LAMA3: variants seen among roughly 807,000 people sequenced by gnomAD.
LAMA3 encodes the protein laminin subunit alpha 3, also known as laminin subunit alpha-3.
Under a neutral mutation model 402.0 loss-of-function variants are expected in LAMA3, and 281 were observed. The observed-to-expected ratio is 0.70, with a 90% confidence interval of 0.63 to 0.77. The LOEUF is 0.77. LAMA3 is among the 30% of genes least tolerant of loss of function. The pLI, the probability that LAMA3 is intolerant of heterozygous loss-of-function variation, is 0.00. For synonymous variants in LAMA3, 1,431 were observed against 1,558.4 expected (o/e 0.92, Z 1.93); for missense variants, 3,840 against 4,215.5 (o/e 0.91, Z 2.47).
At chr18:23,752,341 G>A (rs753688713) in intron 5 of LAMA3, among the ~76,000 whole-genome samples, 1 of 151,888 alleles carries the variant, frequency 6.6e-6, no homozygotes, top group Admixed American at 6.6e-5. Flanking sequence ...TCTTTTTGGG[G>A]GTTGCAAGAT....
chr18:23,740,596 C>T (rs2061545784), intron 2 of LAMA3, among the ~76,000 whole-genome samples: 1 of 152,100 alleles, frequency 6.6e-6, no homozygotes, highest in Non-Finnish European at 1.5e-5. Flanking sequence ...CTCCTGCTGA[C>T]TTGAATCTCG....
chr18:23,718,706 C>T (rs2061155487), intron 2 of LAMA3, among the ~76,000 whole-genome samples: 1 of 152,176 alleles, frequency 6.6e-6, no homozygotes, highest in South Asian at 2.1e-4. Flanking sequence ...GAGGCAAAGG[C>T]TGTGATGTCC....
intron 39 of LAMA3, among the ~76,000 whole-genome samples, chr18:23,878,899 C>T (rs993373027): frequency 2.0e-5 from 3 of 152,032 alleles, no homozygotes; most frequent in Admixed American, 2.0e-4. Flanking sequence ...GAGGGACCTG[C>T]GATGATGGCC....
In LAMA3 at chr18:23,909,221, C is replaced by A; in HGVS notation, c.7084C>A (p.Pro2362Thr). 6.2e-7 allele frequency: 1 copy of A among 1,613,858 alleles called. No individual in the cohort carries two copies. The highest frequency in any genetic ancestry group is 8.5e-7 in the Non-Finnish European group (1 of 1,179,870). Residue 2362 changes from proline (P) to threonine (T), a missense_variant, in exon 55 of 75, where the codon CCC (proline) becomes ACC (threonine). Pro to Thr is a conservative substitution (Grantham distance 38). Coordinates refer to ENST00000313654, the MANE Select transcript of LAMA3 (RefSeq NM_198129.4). The stretch of plus-strand genomic sequence containing the variant: ...TGAAAGTATCAACCAACAGCTGTTG[C>A]CCTTGGGAAACATCTCTGACAACAT... ...KIESINQQLLPLGNISDNMDR... is the reference protein window; with the variant it reads ...KIESINQQLLTLGNISDNMDR...
intron 35 of LAMA3, among the ~76,000 whole-genome samples, chr18:23,864,225 A>ATT (rs397974254): frequency 4.3e-5 from 6 of 140,100 alleles, no homozygotes; most frequent in South Asian, 4.5e-4. Context: ...TCTTTCTTTC[A>ATT]TTTTTTTTTT....
intron 5 of LAMA3, among the ~76,000 whole-genome samples, chr18:23,751,719 T>C (rs890912999): frequency 2.0e-5 from 3 of 152,206 alleles, no homozygotes; most frequent in African/African-American, 7.2e-5. Context: ...TGAGCACTAG[T>C]ACCCTCTCCT....
chr18:23,904,611 G>A lies in LAMA3; in HGVS notation c.6532G>A (p.Ala2178Thr), dbSNP rs576490899. Residue 2178 changes from alanine to threonine, a missense_variant, in exon 51 of 75, where the codon GCC (alanine) becomes ACC (threonine). Physicochemically the swap from Ala to Thr is moderately conservative, Grantham distance 58. Coordinates refer to ENST00000313654, the MANE Select transcript of LAMA3 (RefSeq NM_198129.4). ...GCGCTGTGCTGTGGATGCCGCCACC[G>A]CCTACGAGAACATCCTCAATGCCAT... is the stretch of plus-strand genomic sequence containing the variant. ...LVRCAVDAATAYENILNAIKA... is the reference protein window; with the variant it reads ...LVRCAVDAATTYENILNAIKA... The A allele has an allele frequency of 5.0e-6, 8 of 1,613,164 alleles. No individual in the cohort carries two copies. The highest frequency in any genetic ancestry group is 1.1e-5 in the South Asian group (1 of 90,846).
At chr18:23,906,820 G>A (rs1262955299) in intron 52 of LAMA3, among the ~76,000 whole-genome samples, 1 of 152,184 alleles carries the variant, frequency 6.6e-6, no homozygotes, top group Non-Finnish European at 1.5e-5. Context: ...GTGCTAAACA[G>A]GGTTAGGATG....
intron 19 of LAMA3, among the ~76,000 whole-genome samples, chr18:23,820,760 G>A (rs1007121443): frequency 6.6e-6 from 1 of 152,104 alleles, no homozygotes; most frequent in African/African-American, 2.4e-5. Context: ...GTAAATTAAC[G>A]ATCATGGTAA....
chr18:23,894,400 A>C, intron 43 of LAMA3, 52 bp downstream of exon 43: 1 of 1,470,068 alleles, frequency 6.8e-7, no homozygotes, highest in Non-Finnish European at 9.5e-7. Context: ...GGTTTGGTTT[A>C]AGATATGTGA....
intron 39 of LAMA3, among the ~76,000 whole-genome samples, chr18:23,876,629 T>G (rs907079727): frequency 6.6e-6 from 1 of 152,266 alleles, no homozygotes; most frequent in Non-Finnish European, 1.5e-5. Context: ...TCTGAGCAAT[T>G]AAGTTACACT....
Position 23,904,100 on chromosome 18 carries a change from C to T in LAMA3, c.6473+13C>T. 6.2e-7 allele frequency: 1 copy of T among 1,612,962 alleles called. No homozygotes were observed. Among genetic ancestry groups the T allele is most frequent in the Non-Finnish European group, 8.5e-7 (1 of 1,179,862 alleles). ...AGCAGCTGGAAGAGTGAGTGCATGGCCCAGGAGACCAGAAGGGCACGTGGG... is the reference window on the plus strand; with the variant it reads ...AGCAGCTGGAAGAGTGAGTGCATGGTCCAGGAGACCAGAAGGGCACGTGGG... On this transcript the variant is annotated intron_variant, in intron 50 of 74. Coordinates refer to ENST00000313654, the MANE Select transcript of LAMA3 (RefSeq NM_198129.4).
At chr18:23,840,544 A>C (rs1410424247) in intron 27 of LAMA3, among the ~76,000 whole-genome samples, 1 of 151,612 alleles carries the variant, frequency 6.6e-6, no homozygotes, top group Non-Finnish European at 1.5e-5. Context: ...CACCTTGCCC[A>C]GCTAATTTTT....
rs534086584 is a variant in LAMA3, at chr18:23,942,547, C to T, written c.9027-1241C>T. ...AGCTGGATGTGCATAGAACATGTAACCATCATGCAAATGAATACTAACTTG... is the reference window on the plus strand; with the variant it reads ...AGCTGGATGTGCATAGAACATGTAATCATCATGCAAATGAATACTAACTTG... On this transcript the variant is annotated intron_variant, in intron 68 of 74. Coordinates refer to ENST00000313654, the MANE Select transcript of LAMA3 (RefSeq NM_198129.4). 2.7e-5 allele frequency among the ~76,000 whole-genome samples: 4 copies of T among 150,768 alleles called. No individual in the cohort carries two copies. The East Asian group carries it at 7.8e-4, about 29-fold the overall frequency.
chr18:23,940,588 T>C (rs1213255562), intron 68 of LAMA3, among the ~76,000 whole-genome samples: 1 of 152,178 alleles, frequency 6.6e-6, no homozygotes, highest in Non-Finnish European at 1.5e-5. Context: ...GATGCTTTTC[T>C]TGCAGGGAGG....
At chr18:23,690,312 C>A (rs2060559143) in intron 1 of LAMA3, among the ~76,000 whole-genome samples, 1 of 152,198 alleles carries the variant, frequency 6.6e-6, no homozygotes, top group Non-Finnish European at 1.5e-5. Context: ...CACGGAGCGT[C>A]CCGCCAGGCT....
At chr18:23,746,115 T>G (rs1249326359) in intron 2 of LAMA3, among the ~76,000 whole-genome samples, 2 of 152,212 alleles carry the variant, frequency 1.3e-5, no homozygotes, top group African/African-American at 4.8e-5. Context: ...CTAATTAGTT[T>G]TTATGAGGTT....
chr18:23,698,447 C>T lies in LAMA3; in HGVS notation c.294+8470C>T, dbSNP rs186895333. Among the ~76,000 whole-genome samples, 23 of 152,168 alleles carry T rather than the reference C, an allele frequency of 1.5e-4. No homozygotes were observed. The East Asian group carries it at 3.7e-3, about 24-fold the overall frequency. On this transcript the variant is annotated intron_variant, in intron 1 of 74. Coordinates refer to ENST00000313654, the MANE Select transcript of LAMA3 (RefSeq NM_198129.4). ...GTCTCAATCTCCTGATTTTGTGATC[C>T]GCCTGCCTTGGCCTCCCAAAGTGCT...
intron 2 of LAMA3, among the ~76,000 whole-genome samples, chr18:23,732,324 A>G (rs2061407766): frequency 6.6e-6 from 1 of 152,122 alleles, no homozygotes; most frequent in African/African-American, 2.4e-5. Flanking sequence ...GTGCAGAAAG[A>G]TGAGATCCAG....
Sources: allele counts gnomAD v4.1 joint callset (sites outside exome capture counted in the v4.1 genomes callset), GRCh38; gene constraint gnomAD v4.1.1; transcripts MANE v1.5; gene names NCBI Gene and HGNC (gene_info 2026-07-23, HGNC 2026-07-21).